MAPK10: variants seen among roughly 807,000 people sequenced by gnomAD.
MAPK10 encodes mitogen-activated protein kinase 10.
In MAPK10, 25 loss-of-function variants were observed where a neutral mutation model predicts 59.3. The ratio of observed to expected loss-of-function variants is 0.42; its 90% confidence interval spans 0.31 to 0.59. The LOEUF (loss-of-function observed/expected upper bound fraction) is 0.59. Ranked by LOEUF, MAPK10 falls within the 20% of genes least tolerant of loss-of-function variation. The pLI is 0.15. For missense variants in MAPK10, 351 were observed against 568.9 expected (o/e 0.62, Z 3.90); for synonymous variants, 190 against 200.5 (o/e 0.95, Z 0.44).
intron 2 of MAPK10, among the ~76,000 whole-genome samples, chr4:86,244,751 C>A (rs977985503): frequency 6.6e-6 from 1 of 152,170 alleles, no homozygotes; most frequent in Non-Finnish European, 1.5e-5. Flanking sequence ...ATGTTAGCAA[C>A]CAATTTAAAA....
At chr4:86,506,483 G>T (rs1352897010) in intron 1 of MAPK10, among the ~76,000 whole-genome samples, 2 of 152,086 alleles carry the variant, frequency 1.3e-5, no homozygotes, top group African/African-American at 4.8e-5. Context: ...CATAAAAACA[G>T]ACTCTTAGCT....
intron 2 of MAPK10, among the ~76,000 whole-genome samples, chr4:86,244,951 A>T (rs966699378): frequency 6.6e-6 from 1 of 152,176 alleles, no homozygotes; most frequent in Non-Finnish European, 1.5e-5. Flanking sequence ...CCTATGTTAC[A>T]CTTTGCAGTA....
chr4:86,423,424 T>C (rs1746790341), intron 1 of MAPK10, among the ~76,000 whole-genome samples: 1 of 152,090 alleles, frequency 6.6e-6, no homozygotes. Flanking sequence ...AAATAAGGAA[T>C]AAATAAGACA....
intron 3 of MAPK10, among the ~76,000 whole-genome samples, chr4:86,181,850 A>G (rs1021327819): frequency 6.6e-6 from 1 of 152,134 alleles, no homozygotes; most frequent in Non-Finnish European, 1.5e-5. Context: ...GAGCCACAAC[A>G]CATATTATTT....
intron 1 of MAPK10, among the ~76,000 whole-genome samples, chr4:86,440,567 C>CT (rs1749289722): frequency 6.6e-6 from 1 of 150,614 alleles, no homozygotes; most frequent in African/African-American, 2.4e-5. Context: ...AAGGTTGAGG[C>CT]TGTAGTGAGC....
At chr4:86,163,380 ATTTT>A (rs1445587723) in intron 3 of MAPK10, among the ~76,000 whole-genome samples, 1 of 152,048 alleles carries the variant, frequency 6.6e-6, no homozygotes, top group Non-Finnish European at 1.5e-5. Flanking sequence ...TTCAAATATA[ATTTT>A]TTCTTTATAA....
intron 2 of MAPK10, among the ~76,000 whole-genome samples, chr4:86,334,186 C>T (rs2096219615): frequency 6.6e-6 from 1 of 152,186 alleles, no homozygotes; most frequent in African/African-American, 2.4e-5. Flanking sequence ...ACCTCCCACA[C>T]AGGCATCCAA....
intron 9 of MAPK10, among the ~76,000 whole-genome samples, chr4:86,076,283 G>A (rs575273520): frequency 5.3e-5 from 8 of 152,152 alleles, no homozygotes; most frequent in African/African-American, 1.2e-4. Context: ...ACTGGCCTGC[G>A]CCCACTGTCT....
chr4:86,029,289 T>G lies in MAPK10; in HGVS notation c.1175-15A>C, dbSNP rs1272374577. ...GTAGATAAGTTCTGTAAGAAACAGC[T>G]GTGTTATTATAGAAAACAAATTTAT... On this transcript the variant is annotated splice_polypyrimidine_tract_variant and intron_variant, in intron 12 of 13. Transcript: ENST00000641462. 2 of 1,531,148 alleles carry G rather than the reference T, an allele frequency of 1.3e-6. No homozygotes were observed. Among genetic ancestry groups the G allele is most frequent in the Non-Finnish European group, 1.8e-6 (2 of 1,106,176 alleles). 94.8% of individuals were successfully genotyped at this position (1,531,148 alleles called of 1,614,324 possible).
chr4:86,518,422 T>G (rs1756865124), intron 1 of MAPK10, among the ~76,000 whole-genome samples: 1 of 152,238 alleles, frequency 6.6e-6, no homozygotes, highest in South Asian at 2.1e-4. Context: ...ATAGTAGCCT[T>G]GAATGATCTT....
At chr4:86,090,319 C>G (rs1034228705) in intron 9 of MAPK10, 7 of 152,072 alleles carry the variant, frequency 4.6e-5, no homozygotes, top group African/African-American at 1.7e-4. Context: ...CAAATTACAT[C>G]TTGTAATTTG....
intron 1 of MAPK10, among the ~76,000 whole-genome samples, chr4:86,527,791 A>G (rs1757583086): frequency 6.6e-6 from 1 of 152,254 alleles, no homozygotes; most frequent in South Asian, 2.1e-4. Flanking sequence ...CTGGATAAAG[A>G]AAATATACAC....
intron 1 of MAPK10, among the ~76,000 whole-genome samples, chr4:86,517,489 A>G (rs879434922): frequency 1.3e-5 from 2 of 151,888 alleles, no homozygotes; most frequent in Non-Finnish European, 2.9e-5. Flanking sequence ...GTTAGCCAGG[A>G]TGGTCTCAAT....
intron 2 of MAPK10, among the ~76,000 whole-genome samples, chr4:86,251,613 G>C (rs1258579665): frequency 1.5e-5 from 2 of 134,286 alleles, no homozygotes; most frequent in Non-Finnish European, 3.1e-5. Context: ...CTTTGCTATT[G>C]TGAATAATGC....
chr4:86,239,106 ATGTGGTTTTTGTCTTTG>A (rs1206540964), intron 2 of MAPK10, among the ~76,000 whole-genome samples: 14 of 152,270 alleles, frequency 9.2e-5, no homozygotes, highest in South Asian at 2.1e-4. Flanking sequence ...TGAGATAATC[ATGTGGTTTTTGTCTTTG>A]GTTCTGTTTA....
intron 11 of MAPK10, among the ~76,000 whole-genome samples, chr4:86,056,119 C>G (rs1458828234): frequency 6.7e-6 from 1 of 149,984 alleles, no homozygotes; most frequent in African/African-American, 2.5e-5. Context: ...CCCTTTCCTC[C>G]CAACGGGAGA....
chr4:86,431,727 G>A (rs2149041265), intron 1 of MAPK10, among the ~76,000 whole-genome samples: 1 of 152,352 alleles, frequency 6.6e-6, no homozygotes, highest in Admixed American at 6.5e-5. Flanking sequence ...TTTATGCTGA[G>A]CAGGATGGCC....
At chr4:86,284,452 A>G (rs1045867213) in intron 2 of MAPK10, among the ~76,000 whole-genome samples, 4 of 152,046 alleles carry the variant, frequency 2.6e-5, no homozygotes, top group Admixed American at 1.3e-4. Context: ...GGTTGGAGTT[A>G]TGTTCCCTGA....
At position 86,102,965 on chromosome 4, in the gene MAPK10, G is replaced by A. The variant is rs2055767536; in HGVS notation, c.425+221C>T. 7 of 375,904 alleles carry A rather than the reference G, an allele frequency of 1.9e-5. No homozygotes were observed. In the South Asian group the frequency reaches 5.2e-4, roughly 28 times the overall value. 23.3% of individuals were successfully genotyped at this position (375,904 alleles called of 1,614,324 possible). A position where few individuals can be genotyped will look rare whatever the true frequency, so the allele number is the denominator to read the frequency against. The stretch of plus-strand genomic sequence containing the variant: ...CCACAAGGCCAAAAGGAGGCAGAAT[G>A]TCTTTCCAGGAAGTAACCCCACAAA... On this transcript the variant is annotated intron_variant, in intron 6 of 13. Coordinates refer to ENST00000641462, the MANE Select transcript of MAPK10 (RefSeq NM_138982.4).
Sources: gnomAD v4.1 joint callset for allele counts (sites outside exome capture counted in the v4.1 genomes callset) on GRCh38, gnomAD v4.1.1 for gene constraint, MANE v1.5 for transcripts, NCBI Gene and HGNC (gene_info 2026-07-23, HGNC 2026-07-21) for gene names.